CHP1: variants seen among roughly 807,000 people sequenced by gnomAD.
The protein encoded by CHP1 is calcineurin like EF-hand protein 1, also known as calcineurin B homologous protein 1.
A neutral mutation model predicts 27.4 loss-of-function variants in CHP1; 11 were observed. The ratio of observed to expected loss-of-function variants is 0.40; its 90% CI spans 0.25 to 0.67. The LOEUF (loss-of-function observed/expected upper bound fraction) is 0.67, where lower values mean the gene tolerates loss of function less well. Ranked by LOEUF, CHP1 falls within the 30% of genes least tolerant of loss-of-function variation. The pLI is 0.38. For synonymous variants in CHP1, 89 were observed against 87.4 expected (o/e 1.02, Z -0.10); for missense variants, 169 against 251.3 (o/e 0.67, Z 2.22).
chr15:41,236,352 T>C (rs2083239), intron 1 of CHP1, among the ~76,000 whole-genome samples: 77,662 of 151,932 alleles, frequency 0.51, 21,595 homozygotes, highest in African/African-American at 0.75. Context: ...GCCTCAAGCT[T>C]CTGGGCTCAA....
At position 41,281,489 on chromosome 15, in the gene CHP1, T is replaced by C. The variant is rs2047545725; in HGVS notation, c.*2100T>C. On this transcript the variant is annotated 3_prime_UTR_variant, in exon 7 of 7. Coordinates refer to ENST00000334660, the MANE Select transcript of CHP1 (RefSeq NM_007236.5). ...AGCCACACATCTGCCCTTGGTTGACTTTCTGACTCATTGCTTGCTTGCTTG... is the reference window on the plus strand; with the variant it reads ...AGCCACACATCTGCCCTTGGTTGACCTTCTGACTCATTGCTTGCTTGCTTG... 1 of 152,678 alleles carries C rather than the reference T, an allele frequency of 6.5e-6. No individual in the cohort carries two copies. Among genetic ancestry groups the C allele is most frequent in the Non-Finnish European group, 1.5e-5 (1 of 68,054 alleles). 9.5% of individuals were successfully genotyped at this position (152,678 alleles called of 1,614,324 possible).
intron 1 of CHP1, among the ~76,000 whole-genome samples, chr15:41,238,966 T>G (rs1340328677): frequency 6.6e-6 from 1 of 152,210 alleles, no homozygotes; most frequent in Non-Finnish European, 1.5e-5. Flanking sequence ...CCTATCTGAC[T>G]AGCTTAGAGC....
At chr15:41,276,007 G>A (rs1394757537) in intron 5 of CHP1, among the ~76,000 whole-genome samples, 1 of 152,108 alleles carries the variant, frequency 6.6e-6, no homozygotes, top group Non-Finnish European at 1.5e-5. Flanking sequence ...TTGGGAGGCC[G>A]AGGCAGGCGG....
At chr15:41,266,750 C>T (rs1567010386) in intron 4 of CHP1, among the ~76,000 whole-genome samples, 1 of 152,036 alleles carries the variant, frequency 6.6e-6, no homozygotes, top group Non-Finnish European at 1.5e-5. Context: ...ACCTGTAATC[C>T]CAGCATTTTG....
intron 2 of CHP1, among the ~76,000 whole-genome samples, chr15:41,249,639 A>AT (rs1260922122): frequency 6.6e-6 from 1 of 151,246 alleles, no homozygotes; most frequent in Non-Finnish European, 1.5e-5. Flanking sequence ...CACCCAGCTA[A>AT]TTTTTTGTAT....
chr15:41,244,597 T>C (rs1038902228), intron 2 of CHP1, among the ~76,000 whole-genome samples: 1 of 152,148 alleles, frequency 6.6e-6, no homozygotes. Context: ...ATGCTACTAG[T>C]GCCTAGTGGG....
At chr15:41,272,584 C>A (rs1390538901) in intron 5 of CHP1, among the ~76,000 whole-genome samples, 1 of 151,418 alleles carries the variant, frequency 6.6e-6, no homozygotes, top group Non-Finnish European at 1.5e-5. Context: ...CCATACCCAG[C>A]TAATTTTTGT....
At chr15:41,233,535 T>C (rs142102337) in intron 1 of CHP1, among the ~76,000 whole-genome samples, 1,674 of 152,280 alleles carry the variant, frequency 0.011, 11 homozygotes, top group Non-Finnish European at 0.016. Flanking sequence ...AGTGCAAATG[T>C]ATGTATTGAG....
rs34921023 is a variant in CHP1, at chr15:41,280,505, A to ATTTTTTTTTTTTTTTTTTTTT, written c.*1123_*1143dup. ...GGAAGTGCCTAATATCCCAGTCCAAATTTTTTTTTTTTTTTTTTTTTTTTT... is the reference window on the plus strand; with the variant it reads ...GGAAGTGCCTAATATCCCAGTCCAAATTTTTTTTTTTTTTTTTTTTTTTTTTTTTTTTTTTTTTTTTTTTTT... On this transcript the variant is annotated 3_prime_UTR_variant, in exon 7 of 7. Coordinates refer to ENST00000334660, the MANE Select transcript of CHP1 (RefSeq NM_007236.5). 4.5e-5 allele frequency: 5 copies of ATTTTTTTTTTTTTTTTTTTTT among 111,340 alleles called. No homozygotes were observed. Among genetic ancestry groups the ATTTTTTTTTTTTTTTTTTTTT allele is most frequent in the African/African-American group, 7.0e-5 (2 of 28,614 alleles). The allele number at this position is 111,340 out of a possible 1,614,324, so 6.9% of individuals were successfully genotyped here.
At chr15:41,259,353 C>T (rs2047419464) in intron 3 of CHP1, among the ~76,000 whole-genome samples, 1 of 152,092 alleles carries the variant, frequency 6.6e-6, no homozygotes, top group Admixed American at 6.5e-5. Context: ...TCATTCTGTC[C>T]ACCAATCTAC....
At chr15:41,278,697 A>G (rs1237080326) in intron 5 of CHP1, 70 bp from the exon 6 acceptor site, 12 of 1,593,950 alleles carry the variant, frequency 7.5e-6, no homozygotes, top group Non-Finnish European at 1.0e-5. Flanking sequence ...TGATAGCTTT[A>G]TTTTTAATCT....
chr15:41,239,125 G>A (rs1404256997), intron 1 of CHP1, among the ~76,000 whole-genome samples: 2 of 152,152 alleles, frequency 1.3e-5, no homozygotes, highest in African/African-American at 4.8e-5. Flanking sequence ...AGTGAATTTA[G>A]TACCTAAATT....
At chr15:41,261,546 T>G (rs2047433010) in intron 3 of CHP1, among the ~76,000 whole-genome samples, 1 of 152,094 alleles carries the variant, frequency 6.6e-6, no homozygotes. Context: ...CATTTTCAAA[T>G]TTATGTTTGC....
chr15:41,270,672 G>A, intron 5 of CHP1, 54 bp downstream of exon 5: 2 of 1,342,634 alleles, frequency 1.5e-6, no homozygotes, highest in African/African-American at 1.4e-5. Flanking sequence ...GCTTATTAGT[G>A]TGGGCAGGAA....
chr15:41,266,160 G>A (rs1445838424), intron 4 of CHP1, among the ~76,000 whole-genome samples: 2 of 152,068 alleles, frequency 1.3e-5, no homozygotes, highest in Non-Finnish European at 2.9e-5. Context: ...GTGCATGCCT[G>A]TAATTCCAGC....
intron 1 of CHP1, chr15:41,234,022 CACTGCAAGCCTTAA>C (rs1567001339): frequency 6.6e-6 from 1 of 152,170 alleles, no homozygotes; most frequent in Non-Finnish European, 1.5e-5. Context: ...GAGCATAGCT[CACTGCAAGCCTTAA>C]ACTCCTGGGC....
chr15:41,247,246 G>A (rs2047339930), intron 2 of CHP1, among the ~76,000 whole-genome samples: 1 of 152,078 alleles, frequency 6.6e-6, no homozygotes, highest in Non-Finnish European at 1.5e-5. Context: ...GCGCATGCCT[G>A]GAATTCCAGG....
chr15:41,244,439 C>A (rs1354993103), intron 2 of CHP1, among the ~76,000 whole-genome samples: 1 of 152,066 alleles, frequency 6.6e-6, no homozygotes, highest in African/African-American at 2.4e-5. Flanking sequence ...ATTTACCAAC[C>A]CATAACCCTG....
At chr15:41,256,753 A>T in intron 2 of CHP1, 157 bp from the exon 3 acceptor site, 1 of 646,852 alleles carries the variant, frequency 1.5e-6, no homozygotes, top group Non-Finnish European at 2.8e-6. Flanking sequence ...GGCAGCTATT[A>T]AAGTGCTATT....
Sources: allele counts gnomAD v4.1 joint callset (sites outside exome capture counted in the v4.1 genomes callset), GRCh38; gene constraint gnomAD v4.1.1; transcripts MANE v1.5; gene names NCBI Gene and HGNC (gene_info 2026-07-23, HGNC 2026-07-21).